The following RAB3IP variants were observed in gnomAD, a reference collection of about 807,000 sequenced individuals.
RAB3IP encodes the protein RAB3A interacting protein, also known as rab-3A-interacting protein.
Under a neutral mutation model 59.1 loss-of-function variants are expected in RAB3IP, and 36 were observed. The observed-to-expected ratio is 0.61, with a 90% CI of 0.47 to 0.80. The LOEUF is 0.80. RAB3IP is among the 30% of genes least tolerant of loss of function. The probability of loss-of-function intolerance (pLI) is 0.00; values close to 1 mark genes in which losing one functional copy is unlikely to be tolerated. For missense variants in RAB3IP, 511 were observed against 536.0 expected (o/e 0.95, Z 0.46); for synonymous variants, 207 against 191.2 (o/e 1.08, Z -0.68).
intron 6 of RAB3IP, chr12:69,796,284 G>C (rs1037248710): frequency 6.4e-6 from 1 of 156,304 alleles, no homozygotes; most frequent in African/African-American, 2.4e-5. Context: ...TGGGCAACAA[G>C]AGCGAAACTC....
intron 6 of RAB3IP, among the ~76,000 whole-genome samples, chr12:69,798,483 A>G (rs1422149324): frequency 6.6e-6 from 1 of 150,744 alleles, no homozygotes; most frequent in African/African-American, 2.4e-5. Flanking sequence ...TTGCCTGTTC[A>G]CTCTGATGGT....
At chr12:69,799,328 G>A (rs1878012643) in intron 6 of RAB3IP, among the ~76,000 whole-genome samples, 1 of 152,162 alleles carries the variant, frequency 6.6e-6, no homozygotes, top group Non-Finnish European at 1.5e-5. Context: ...CTGTAGGATG[G>A]GGGAGACTGC....
chr12:69,759,644 G>T (rs1243983120), intron 3 of RAB3IP, among the ~76,000 whole-genome samples: 25 of 121,642 alleles, frequency 2.1e-4, no homozygotes, highest in African/African-American at 6.3e-4. Flanking sequence ...GGGGCGGCTG[G>T]CTGGGCGGGG....
At position 69,815,638 on chromosome 12, in the gene RAB3IP, A is replaced by G; in HGVS notation, c.*192A>G. 2.5e-6 allele frequency: 1 copy of G among 395,706 alleles called. No homozygotes were observed. The highest frequency in any genetic ancestry group is 4.5e-6 in the Non-Finnish European group (1 of 222,332). The allele number at this position is 395,706 out of a possible 1,614,324, so 24.5% of individuals were successfully genotyped here. A position where few individuals can be genotyped will look rare whatever the true frequency, so the allele number is the denominator to read the frequency against. ...GTTTGCTTATTCTTTAGTTGAACACACTATGAAGAATTCCAGGTGTACTAG... is the reference window on the plus strand; with the variant it reads ...GTTTGCTTATTCTTTAGTTGAACACGCTATGAAGAATTCCAGGTGTACTAG... On this transcript the variant is annotated 3_prime_UTR_variant, in exon 11 of 11. Transcript: ENST00000247833.
chr12:69,739,878 T>A, intron 1 of RAB3IP: 1 of 1,613,876 alleles, frequency 6.2e-7, no homozygotes, highest in Non-Finnish European at 8.5e-7. Context: ...GGGTAAGGTC[T>A]TGAAAGACAC....
chr12:69,772,452 T>C (rs1483432244), intron 3 of RAB3IP, among the ~76,000 whole-genome samples: 1 of 152,208 alleles, frequency 6.6e-6, no homozygotes, highest in Non-Finnish European at 1.5e-5. Flanking sequence ...ATTTTGGTAC[T>C]TCTTTTATAG....
rs141160769 is a variant in RAB3IP at position 69,746,764 on chromosome 12, A to G, written c.-26+7733A>G. Among the ~76,000 whole-genome samples the G allele has an allele frequency of 4.0e-4, 61 of 152,376 alleles. 1 individual carries two copies. In the East Asian group the frequency reaches 8.3e-3, roughly 21 times the overall value. ...CATGGAATTTATAACAGTTCAATTC[A>G]TTATATGCTATTGAAGTAGCAGTCT... On this transcript the variant is annotated intron_variant, in intron 1 of 10. Transcript: ENST00000247833.
At chr12:69,747,283 C>G (rs931896269) in intron 1 of RAB3IP, among the ~76,000 whole-genome samples, 1 of 149,014 alleles carries the variant, frequency 6.7e-6, no homozygotes, top group African/African-American at 2.5e-5. Flanking sequence ...GTTTTCTCCC[C>G]TTGCCCTTTC....
At chr12:69,797,616 G>A (rs1592586249) in intron 6 of RAB3IP, among the ~76,000 whole-genome samples, 1 of 150,512 alleles carries the variant, frequency 6.6e-6, no homozygotes, top group Non-Finnish European at 1.5e-5. Flanking sequence ...CTGGTGCCCT[G>A]CACCCACTAA....
At chr12:69,801,166 T>C (rs1296320750) in intron 7 of RAB3IP, among the ~76,000 whole-genome samples, 1 of 152,216 alleles carries the variant, frequency 6.6e-6, no homozygotes, top group Admixed American at 6.5e-5. Flanking sequence ...CTAATTCTTT[T>C]GTAGACTCAC....
chr12:69,752,500 T>C (rs1869498045), intron 1 of RAB3IP, among the ~76,000 whole-genome samples: 2 of 152,114 alleles, frequency 1.3e-5, no homozygotes. Flanking sequence ...GTTCATTGAA[T>C]CAGTTTTTTG....
At chr12:69,803,580 T>C (rs963550941) in intron 8 of RAB3IP, among the ~76,000 whole-genome samples, 19 of 152,054 alleles carry the variant, frequency 1.2e-4, no homozygotes, top group Non-Finnish European at 2.2e-4. Context: ...ATGGGCCATG[T>C]TGGTGTGCTG....
At chr12:69,794,740 T>G (rs1423283907) in intron 5 of RAB3IP, among the ~76,000 whole-genome samples, 1 of 152,214 alleles carries the variant, frequency 6.6e-6, no homozygotes, top group African/African-American at 2.4e-5. Context: ...GTAAATCACA[T>G]GAATTATCCA....
rs144279584 is a variant in RAB3IP, at chr12:69,794,505, A to C, written c.675A>C (p.Ala225=). The change falls in exon 5 of 11, where the codon GCA becomes GCC. Residue 225 remains alanine (A), a synonymous_variant. Transcript: ENST00000247833. The part of the protein sequence containing the change: ...QATAEKQLKE[A]QGKIDVLQAE... ...CAGCAGAAAAACAGCTAAAAGAAGC[A>C]CAAGGAAAAGTGAGTTTTTGCAGCT... The C allele has an allele frequency of 3.6e-5, 58 of 1,612,536 alleles. No individual in the cohort carries two copies. Among genetic ancestry groups the C allele is most frequent in the Admixed American group, 1.8e-4 (11 of 59,904 alleles).
intron 4 of RAB3IP, 110 bp from the exon 5 acceptor site, chr12:69,794,327 C>G (rs773613061): frequency 3.9e-5 from 31 of 795,746 alleles, no homozygotes; most frequent in Non-Finnish European, 6.0e-5. Flanking sequence ...TACTTAACTT[C>G]AGGCTAACTT....
intron 3 of RAB3IP, chr12:69,779,123 C>A (rs373830962): frequency 7.8e-6 from 1 of 127,452 alleles, no homozygotes; most frequent in Non-Finnish European, 1.7e-5. Flanking sequence ...CGTGGTGCGC[C>A]GTTTCTTAAG....
Position 69,780,661 on chromosome 12 carries a change from A to T in RAB3IP, c.511-4059A>T, listed in dbSNP as rs1228733926. 2.0e-5 allele frequency among the ~76,000 whole-genome samples: 3 copies of T among 152,332 alleles called. No homozygotes were observed. In the East Asian group the frequency reaches 5.8e-4, roughly 29 times the overall value. ...TAAATCTTCTTCTGGGTCCTTGTGC[A>T]AGCAGTAATAAACTGGGCCCATGGC... On this transcript the variant is annotated intron_variant, in intron 3 of 10. Transcript: ENST00000247833.
rs1236854946 is a variant in RAB3IP, at chr12:69,816,116, T to C, written c.*670T>C. 6.6e-6 allele frequency: 1 copy of C among 152,250 alleles called. No homozygotes were observed. The highest frequency in any genetic ancestry group is 1.5e-5 in the Non-Finnish European group (1 of 68,052). The allele number at this position is 152,250 out of a possible 1,614,324, so 9.4% of individuals were successfully genotyped here. On this transcript the variant is annotated 3_prime_UTR_variant, in exon 11 of 11. Transcript: ENST00000247833. ...ATATAGTGTATTCATGTTTTATATGTGTTGACCACTATATTGTCATTGGAG... is the reference window on the plus strand; with the variant it reads ...ATATAGTGTATTCATGTTTTATATGCGTTGACCACTATATTGTCATTGGAG...
chr12:69,751,950 C>CT (rs1318132247), intron 1 of RAB3IP, among the ~76,000 whole-genome samples: 3 of 149,392 alleles, frequency 2.0e-5, no homozygotes, highest in Non-Finnish European at 4.4e-5. Context: ...ATTTTTCACT[C>CT]TGTCATCTCT....
Sources: gnomAD v4.1 joint callset for allele counts (sites outside exome capture counted in the v4.1 genomes callset) on GRCh38, gnomAD v4.1.1 for gene constraint, MANE v1.5 for transcripts, NCBI Gene and HGNC (gene_info 2026-07-23, HGNC 2026-07-21) for gene names.